Variants in PLCB4 observed in about 807,000 individuals in gnomAD.
The protein encoded by PLCB4 is phospholipase C beta 4.
In PLCB4, 77 loss-of-function variants were observed where a neutral mutation model predicts 178.8. The ratio of observed to expected loss-of-function variants is 0.43; its 90% confidence interval spans 0.36 to 0.52. The LOEUF (loss-of-function observed/expected upper bound fraction) is 0.52, where lower values mean the gene tolerates loss of function less well. Among genes scored for constraint, PLCB4 ranks in the 20% least tolerant of loss-of-function variants. The pLI, the probability that PLCB4 is intolerant of heterozygous loss-of-function variation, is 0.00. For missense variants in PLCB4, 1,024 were observed against 1,453.4 expected (o/e 0.70, Z 4.80); for synonymous variants, 496 against 490.8 (o/e 1.01, Z -0.14).
In PLCB4 at chr20:9,320,276, G is replaced by A. The variant is rs191693211; in HGVS notation, c.84+12378G>A. Among the ~76,000 whole-genome samples the A allele has an allele frequency of 3.3e-5, 5 of 152,298 alleles. No homozygotes were observed. The East Asian group carries it at 9.6e-4, about 29-fold the overall frequency. Reference sequence around the variant, plus strand: ...TTTTAGACTATATAGGGTAACTTCCGGACATTGCCGTGGCATTTGTAAACT... The same window carrying A: ...TTTTAGACTATATAGGGTAACTTCCAGACATTGCCGTGGCATTTGTAAACT... On this transcript the variant is annotated intron_variant, in intron 4 of 39. Coordinates refer to ENST00000378473, the MANE Select transcript of PLCB4 (RefSeq NM_001377142.1).
At chr20:9,383,956 G>A (rs1250395308) in intron 13 of PLCB4, among the ~76,000 whole-genome samples, 2 of 152,140 alleles carry the variant, frequency 1.3e-5, no homozygotes, top group African/African-American at 4.8e-5. Flanking sequence ...GAACTTGGGG[G>A]ACCATGTACA....
At chr20:9,342,852 A>T (rs2033385032) in intron 7 of PLCB4, among the ~76,000 whole-genome samples, 1 of 152,144 alleles carries the variant, frequency 6.6e-6, no homozygotes, top group African/African-American at 2.4e-5. Flanking sequence ...TATTTTTGGC[A>T]ACTTGCCTTT....
chr20:9,466,595 C>T (rs1460144224), intron 35 of PLCB4, among the ~76,000 whole-genome samples: 2 of 152,112 alleles, frequency 1.3e-5, no homozygotes, highest in Non-Finnish European at 2.9e-5. Flanking sequence ...AAGAAAAAAA[C>T]AACCCCATCA....
chr20:9,122,633 G>T (rs921612114), intron 2 of PLCB4, among the ~76,000 whole-genome samples: 1 of 152,152 alleles, frequency 6.6e-6, no homozygotes, highest in African/African-American at 2.4e-5. Context: ...GACATTAGAA[G>T]TAGGGAGATC....
chr20:9,195,669 C>T (rs150020779), intron 2 of PLCB4, among the ~76,000 whole-genome samples: 358 of 152,248 alleles, frequency 2.4e-3, no homozygotes, highest in Middle Eastern at 0.01. Flanking sequence ...ATCCTCCTGA[C>T]CTCCTATCTC....
intron 2 of PLCB4, among the ~76,000 whole-genome samples, chr20:9,148,143 C>T (rs554046386): frequency 2.0e-5 from 3 of 152,160 alleles, no homozygotes; most frequent in African/African-American, 4.8e-5. Context: ...CTAGTTGCAT[C>T]GTGTTGGCAG....
intron 30 of PLCB4, among the ~76,000 whole-genome samples, chr20:9,440,732 A>G (rs917032360): frequency 1.3e-5 from 2 of 152,066 alleles, no homozygotes; most frequent in Admixed American, 6.5e-5. Context: ...TTTTTTGGCC[A>G]TTTTTGCACT....
intron 3 of PLCB4, among the ~76,000 whole-genome samples, chr20:9,281,252 T>C: frequency 6.6e-6 from 1 of 151,958 alleles, no homozygotes; most frequent in Non-Finnish European, 1.5e-5. Flanking sequence ...GACACAATAA[T>C]AGGACCATCA....
At chr20:9,097,232 CTT>C (rs544568591) in intron 2 of PLCB4, among the ~76,000 whole-genome samples, 10 of 81,088 alleles carry the variant, frequency 1.2e-4, no homozygotes, top group Admixed American at 1.3e-4. Context: ...ACAGCCTGGC[CTT>C]TTTTTTTTTT....
intron 4 of PLCB4, among the ~76,000 whole-genome samples, chr20:9,329,505 G>C (rs1462835672): frequency 1.3e-5 from 2 of 152,180 alleles, no homozygotes; most frequent in Non-Finnish European, 2.9e-5. Flanking sequence ...ATATTACTAG[G>C]TGCCACAGGC....
intron 3 of PLCB4, among the ~76,000 whole-genome samples, chr20:9,307,425 CT>C (rs2094781185): frequency 6.6e-6 from 1 of 151,784 alleles, no homozygotes; most frequent in Admixed American, 6.6e-5. Flanking sequence ...CAGCAGGCCT[CT>C]CTTATGTATT....
chr20:9,323,689 A>C (rs1449125817), intron 4 of PLCB4, among the ~76,000 whole-genome samples: 1 of 152,198 alleles, frequency 6.6e-6, no homozygotes, highest in African/African-American at 2.4e-5. Context: ...TTCAAGAGAC[A>C]GCTGCCCCAG....
intron 3 of PLCB4, among the ~76,000 whole-genome samples, chr20:9,294,951 A>C (rs1339391299): frequency 6.6e-6 from 1 of 152,152 alleles, no homozygotes. Flanking sequence ...GAAATAACTC[A>C]AAGAGTATTC....
At chr20:9,206,299 C>CTTTTTTCTTTTTTTTTTTTTTTT (rs1568948051) in intron 2 of PLCB4, among the ~76,000 whole-genome samples, 1 of 96,120 alleles carries the variant, frequency 1.0e-5, no homozygotes, top group African/African-American at 3.9e-5. Flanking sequence ...TTTCTTTTTT[C>CTTTTTTCTTTTTTTTTTTTTTTT]TTTTTTTTTT....
At chr20:9,370,939 T>A in intron 9 of PLCB4, 1 of 303,966 alleles carries the variant, frequency 3.3e-6, no homozygotes, top group Non-Finnish European at 6.1e-6. Flanking sequence ...TAAATGTGTG[T>A]CCCTCCAGTG....
chr20:9,371,209 C>G lies in PLCB4; in HGVS notation c.504-5C>G, dbSNP rs1446678887. On this transcript the variant is annotated splice_polypyrimidine_tract_variant and splice_region_variant and intron_variant, in intron 9 of 39. Transcript: ENST00000378473. Reference sequence around the variant, plus strand: ...GAATGTGTGTTTCTTTCTTTTCTGCCCTAGTATTACTAGAACATTTGCATC... The same window carrying G: ...GAATGTGTGTTTCTTTCTTTTCTGCGCTAGTATTACTAGAACATTTGCATC... The G allele has an allele frequency of 1.3e-6, 2 of 1,573,340 alleles. No homozygotes were observed. Among genetic ancestry groups the G allele is most frequent in the Admixed American group, 3.3e-5 (2 of 59,944 alleles).
intron 2 of PLCB4, among the ~76,000 whole-genome samples, chr20:9,177,279 A>C (rs1198463833): frequency 6.6e-6 from 1 of 152,172 alleles, no homozygotes; most frequent in Non-Finnish European, 1.5e-5. Context: ...GGAATTGCTG[A>C]ATAGTGTTCC....
intron 2 of PLCB4, among the ~76,000 whole-genome samples, chr20:9,216,091 A>G (rs1245918301): frequency 1.3e-5 from 2 of 152,204 alleles, no homozygotes; most frequent in African/African-American, 4.8e-5. Context: ...ACAAATTTCA[A>G]TTCAAACTTT....
At chr20:9,174,789 G>C (rs142588451) in intron 2 of PLCB4, among the ~76,000 whole-genome samples, 38 of 152,238 alleles carry the variant, frequency 2.5e-4, no homozygotes, top group Admixed American at 1.2e-3. Context: ...GCAGAACATA[G>C]TGTAATATTC....
Sources: allele counts gnomAD v4.1 joint callset (sites outside exome capture counted in the v4.1 genomes callset), GRCh38; gene constraint gnomAD v4.1.1; transcripts MANE v1.5; gene names NCBI Gene and HGNC (gene_info 2026-07-23, HGNC 2026-07-21).